The following BRD1 variants were observed in gnomAD, a reference collection of about 807,000 sequenced individuals.
BRD1 encodes the protein bromodomain-containing protein 1.
A neutral mutation model predicts 107.7 loss-of-function variants in BRD1; 24 were observed. The ratio of observed to expected loss-of-function variants is 0.22; its 90% CI spans 0.16 to 0.31. The LOEUF is 0.31. Ranked by LOEUF, BRD1 falls within the 10% of genes least tolerant of loss-of-function variation. The probability of loss-of-function intolerance (pLI) is 1.00; values close to 1 mark genes in which losing one functional copy is unlikely to be tolerated. For synonymous variants in BRD1, 744 were observed against 686.1 expected (o/e 1.08, Z -1.32); for missense variants, 1,279 against 1,638.6 (o/e 0.78, Z 3.79).
intron 5 of BRD1, 77 bp from the exon 6 acceptor site, chr22:49,798,194 T>C: frequency 1.4e-6 from 2 of 1,392,098 alleles, no homozygotes; most frequent in East Asian, 2.3e-5. Context: ...TTATTCCATA[T>C]AACCCACAAG....
At chr22:49,781,125 G>A (rs976845927) in intron 8 of BRD1, among the ~76,000 whole-genome samples, 6 of 152,146 alleles carry the variant, frequency 3.9e-5, no homozygotes, top group African/African-American at 1.4e-4. Context: ...TTCCCACAGC[G>A]GCCAGGGTCC....
chr22:49,799,102 C>T lies in BRD1; in HGVS notation c.1542G>A (p.Glu514=). 1 of 1,608,490 alleles carries T rather than the reference C, an allele frequency of 6.2e-7. No homozygotes were observed. Among genetic ancestry groups the T allele is most frequent in the South Asian group, 1.1e-5 (1 of 91,054 alleles). The part of the protein sequence containing the change: ...RSSQQRENDE[E]MKAAKEKLKY... ...TCAGCTTCTCTTTGGCAGCCTTCAT[C>T]TCCTCATCATTTTCTCTCTGAGAAC... Residue 514 remains glutamate, a synonymous_variant, in exon 4 of 13, where the codon GAG becomes GAA. Coordinates refer to ENST00000404760, the MANE Select transcript of BRD1 (RefSeq NM_001304808.3).
intron 2 of BRD1, among the ~76,000 whole-genome samples, chr22:49,813,233 G>A (rs1368487603): frequency 6.6e-6 from 1 of 151,916 alleles, no homozygotes; most frequent in Admixed American, 6.6e-5. Context: ...TCTATTTTTT[G>A]TTTTTTTGAG....
At position 49,822,998 on chromosome 22, in the gene BRD1, G is replaced by A. The variant is rs1229222419; in HGVS notation, c.1320C>T (p.Pro440=). The A allele has an allele frequency of 6.2e-7, 1 of 1,614,124 alleles. No individual in the cohort carries two copies. The highest frequency in any genetic ancestry group is 1.3e-5 in the African/African-American group (1 of 74,940). ...CGCACACGGTCGGCAGGACCGCGCA[G>A]GGCTCAGCCAGAGCTTTCTTAGCCT... The part of the protein sequence containing the change: ...AKKAKKALAE[P]CAVLPTVCAP... Residue 440 remains proline (P), a synonymous_variant, in exon 2 of 13, where the codon CCC becomes CCT. Coordinates refer to ENST00000404760, the MANE Select transcript of BRD1 (RefSeq NM_001304808.3).
At position 49,773,963 on chromosome 22, in the gene BRD1, A is replaced by C; in HGVS notation, c.*270T>G. Reference sequence around the variant, plus strand: ...ATTAAACATTCAAAAGTCTTTAAGAAAAAGCTACATATCAAAGAAAGTGAC... The same window carrying C: ...ATTAAACATTCAAAAGTCTTTAAGACAAAGCTACATATCAAAGAAAGTGAC... On this transcript the variant is annotated 3_prime_UTR_variant, in exon 13 of 13. Transcript: ENST00000404760. The C allele has an allele frequency of 3.0e-6, 1 of 332,100 alleles. No homozygotes were observed. The highest frequency in any genetic ancestry group is 5.4e-6 in the Non-Finnish European group (1 of 183,642). The allele number at this position is 332,100 out of a possible 1,614,324, so 20.6% of individuals were successfully genotyped here.
At position 49,794,051 on chromosome 22, in the gene BRD1, G is replaced by A. The variant is rs768510528; in HGVS notation, c.2342C>T (p.Pro781Leu). 1.6e-5 allele frequency: 25 copies of A among 1,612,784 alleles called. No homozygotes were observed. Among genetic ancestry groups the A allele is most frequent in the South Asian group, 1.3e-4 (12 of 91,042 alleles). ...TGGCTTACCTTCCTCGCCCGCCTCC[G>A]GCCCCAGCGCAGCTCCGTCCTCTTC... Reference protein sequence around the residue: ...GFEEDGAALGPEAGEEGDKSP... With the variant: ...GFEEDGAALGLEAGEEGDKSP... The change falls in exon 7 of 13, where the codon CCG (proline) becomes CTG (leucine). Residue 781 changes from proline to leucine, a missense_variant. Pro to Leu is a moderately conservative substitution (Grantham distance 98, BLOSUM62 -3). Coordinates refer to ENST00000404760, the MANE Select transcript of BRD1 (RefSeq NM_001304808.3).
At position 49,787,356 on chromosome 22, in the gene BRD1, A is replaced by C. The variant is rs774678986; in HGVS notation, c.2857+34T>G. On this transcript the variant is annotated intron_variant, in intron 8 of 12. Coordinates refer to ENST00000404760, the MANE Select transcript of BRD1 (RefSeq NM_001304808.3). ...AAGGACGCTCCAGGCACTGGTCGGC[A>C]AGGGCGCCTCTCAGGGCCGCCCGCG... The C allele has an allele frequency of 2.2e-6, 3 of 1,386,260 alleles. No individual in the cohort carries two copies. In the Admixed American group the frequency reaches 6.5e-5, roughly 30 times the overall value. The allele number at this position is 1,386,260 out of a possible 1,614,324, so 85.9% of individuals were successfully genotyped here.
rs772867548 is a variant in BRD1, at chr22:49,823,935, C to T, written c.383G>A (p.Ser128Asn). The T allele has an allele frequency of 4.3e-6, 7 of 1,614,196 alleles. No individual in the cohort carries two copies. The South Asian group carries it at 6.6e-5, about 15-fold the overall frequency. ...PEPKVRIVEY[S>N]PPSAPRRPPV... ...AGGCCTCCTGGGGGCGGACGGAGGG[C>T]TGTACTCCACGATGCGCACCTTGGG... is the stretch of plus-strand genomic sequence containing the variant. The change falls in exon 2 of 13, where the codon AGC becomes AAC. Residue 128 changes from serine (S) to asparagine (N), a missense_variant. Around this residue, in one of 7 missense-constraint regions of BRD1, gnomAD observed 223 missense variants for 263.5 expected, o/e 0.85. Coordinates refer to ENST00000404760, the MANE Select transcript of BRD1 (RefSeq NM_001304808.3).
Position 49,824,776 on chromosome 22 carries a change from T to TG in BRD1, c.-14-446dup. ...AGAGGCTATGCCCACCAGACAGGCA[T>TG]GCTCAGTGGCTACCTGGTCCTATCG... On this transcript the variant is annotated intron_variant, in intron 1 of 12. Transcript: ENST00000404760. The surrounding 1 kb of genome is among the most constrained non-coding windows in gnomAD (Gnocchi z 5.9). 9.8e-7 allele frequency: 1 copy of TG among 1,022,154 alleles called. No homozygotes were observed. Among genetic ancestry groups the TG allele is most frequent in the Non-Finnish European group, 1.2e-6 (1 of 850,648 alleles). The allele number at this position is 1,022,154 out of a possible 1,614,324, so 63.3% of individuals were successfully genotyped here. A position where few individuals can be genotyped will look rare whatever the true frequency, so the allele number is the denominator to read the frequency against.
intron 7 of BRD1, among the ~76,000 whole-genome samples, chr22:49,793,261 C>T (rs1481048959): frequency 6.6e-6 from 1 of 152,240 alleles, no homozygotes; most frequent in Non-Finnish European, 1.5e-5. Flanking sequence ...GACACACCAG[C>T]TCTACTTCCT....
At chr22:49,784,187 G>T (rs2059273977) in intron 8 of BRD1, among the ~76,000 whole-genome samples, 1 of 151,596 alleles carries the variant, frequency 6.6e-6, no homozygotes, top group South Asian at 2.1e-4. Flanking sequence ...TGCACACAGA[G>T]ACTCGCAGCA....
chr22:49,801,217 C>T (rs1411861658), intron 3 of BRD1, among the ~76,000 whole-genome samples: 1 of 152,242 alleles, frequency 6.6e-6, no homozygotes, highest in Non-Finnish European at 1.5e-5. Context: ...ACACACAAAT[C>T]GCTGCTCACC....
chr22:49,794,309 A>G lies in BRD1; in HGVS notation c.2099-15T>C. 1 of 1,596,864 alleles carries G rather than the reference A, an allele frequency of 6.3e-7. No homozygotes were observed. Reference sequence around the variant, plus strand: ...CAACCTGTCCACTGAACCAAAGGACACATGCTGTCAGTCATCAGGTCCCAC... The same window carrying G: ...CAACCTGTCCACTGAACCAAAGGACGCATGCTGTCAGTCATCAGGTCCCAC... On this transcript the variant is annotated splice_polypyrimidine_tract_variant and intron_variant, in intron 6 of 12. Coordinates refer to ENST00000404760, the MANE Select transcript of BRD1 (RefSeq NM_001304808.3).
intron 8 of BRD1, among the ~76,000 whole-genome samples, chr22:49,787,124 G>C (rs2059341086): frequency 6.6e-6 from 1 of 152,132 alleles, no homozygotes. Context: ...ACAGGACCAA[G>C]GACCATCGAC....
At chr22:49,787,306 C>T (rs796752744) in intron 8 of BRD1, 84 bp downstream of exon 8, 27,598 of 984,724 alleles carry the variant, frequency 0.028, 4,259 homozygotes, top group South Asian at 0.077. Context: ...GACACCCCCC[C>T]CCCCCCGTCA....
intron 6 of BRD1, among the ~76,000 whole-genome samples, chr22:49,796,192 G>A (rs938549151): frequency 1.3e-5 from 2 of 151,440 alleles, no homozygotes; most frequent in South Asian, 2.1e-4. Context: ...CCGGATTCAC[G>A]CCATTCTCCT....
rs955477865 is a variant in BRD1, at chr22:49,827,360, A to G, written c.-15+137T>C. 4.6e-4 allele frequency: 69 copies of G among 151,442 alleles called. 3 individuals are homozygous for G. The East Asian group carries it at 9.0e-3, about 20-fold the overall frequency. The allele number at this position is 151,442 out of a possible 1,614,324, so 9.4% of individuals were successfully genotyped here. ...GGCTCCCGGCCCGCAGACAATGCGG[A>G]GCCGCCGCCGCCGCCGCCGCCGCCA... On this transcript the variant is annotated intron_variant, in intron 1 of 12. Transcript: ENST00000404760.
intron 8 of BRD1, among the ~76,000 whole-genome samples, chr22:49,782,936 C>T (rs1292084216): frequency 3.2e-5 from 4 of 126,230 alleles, no homozygotes; most frequent in African/African-American, 9.5e-5. Flanking sequence ...TGCTCTGTGA[C>T]AATGCCGCTG....
At chr22:49,822,667 G>A (rs1002601738) in intron 2 of BRD1, among the ~76,000 whole-genome samples, 5 of 151,814 alleles carry the variant, frequency 3.3e-5, no homozygotes, top group South Asian at 4.1e-4. Context: ...CTGAGATTGC[G>A]CCACTATACT....
Sources: gnomAD v4.1 joint callset for allele counts (sites outside exome capture counted in the v4.1 genomes callset) on GRCh38, gnomAD v4.1.1 for gene constraint, gnomAD v4.1.1 regional missense constraint, Gnocchi (gnomAD v3.1) non-coding constraint, MANE v1.5 for transcripts, NCBI Gene and HGNC (gene_info 2026-07-23, HGNC 2026-07-21) for gene names.